FNTB: variants seen among roughly 807,000 people sequenced by gnomAD.
The protein encoded by FNTB is protein farnesyltransferase subunit beta.
A neutral mutation model predicts 59.4 loss-of-function variants in FNTB; 27 were observed. That is an observed-to-expected ratio of 0.45 (90% CI 0.34 to 0.63). The LOEUF (loss-of-function observed/expected upper bound fraction) is 0.63, where lower values mean the gene tolerates loss of function less well. FNTB is among the 20% of genes least tolerant of loss of function. The probability of loss-of-function intolerance (pLI) is 0.02; values close to 1 mark genes in which losing one functional copy is unlikely to be tolerated. For synonymous variants in FNTB, 230 were observed against 220.7 expected (o/e 1.04, Z -0.37); for missense variants, 449 against 559.6 (o/e 0.80, Z 1.99).
chr14:65,053,338 T>C lies in FNTB; in HGVS notation c.1056T>C (p.Asp352=). 7.0e-7 allele frequency: 1 copy of C among 1,438,056 alleles called. No homozygotes were observed. The highest frequency in any genetic ancestry group is 1.6e-5 in the South Asian group (1 of 62,966). 89.1% of individuals were successfully genotyped at this position (1,438,056 alleles called of 1,614,324 possible). A position where few individuals can be genotyped will look rare whatever the true frequency, so the allele number is the denominator to read the frequency against. ...CCQCPAGGLL[D]KPGKSRDFYH... Reference sequence around the variant, plus strand: ...AGTGCCCTGCGGGGGGGCTTCTGGATAAACCTGGCAAGTGAGTGTTTTCTC... The same window carrying C: ...AGTGCCCTGCGGGGGGGCTTCTGGACAAACCTGGCAAGTGAGTGTTTTCTC... The change falls in exon 10 of 12, where the codon GAT becomes GAC. Residue 352 remains aspartate, a synonymous_variant. Coordinates refer to ENST00000246166, the MANE Select transcript of FNTB (RefSeq NM_002028.4).
chr14:65,002,609 A>T (rs531102383), intron 1 of FNTB, among the ~76,000 whole-genome samples: 2 of 150,994 alleles, frequency 1.3e-5, no homozygotes, highest in East Asian at 1.9e-4. Flanking sequence ...CGTCTCAAAA[A>T]AATAATAATA....
In FNTB at chr14:65,012,227, T is replaced by G; in HGVS notation, c.210-90T>G. ...TGCAGGGGGACGTCCTGAAGCTGAGTGTTTACCCGTGTGTGTGTACGTGCA... is the reference window on the plus strand; with the variant it reads ...TGCAGGGGGACGTCCTGAAGCTGAGGGTTTACCCGTGTGTGTGTACGTGCA... On this transcript the variant is annotated intron_variant, in intron 2 of 11. Transcript: ENST00000246166. The surrounding 1 kb of genome is among the most constrained non-coding windows in gnomAD (Gnocchi z 5.0). 5.2e-6 allele frequency: 8 copies of G among 1,524,308 alleles called. 1 individual carries two copies. The South Asian group carries it at 9.1e-5, about 17-fold the overall frequency. The allele number at this position is 1,524,308 out of a possible 1,614,324, so 94.4% of individuals were successfully genotyped here.
At position 65,054,232 on chromosome 14, in the gene FNTB, C is replaced by A. The variant is rs1029982905; in HGVS notation, c.1068-343C>A. On this transcript the variant is annotated intron_variant, in intron 10 of 11. Coordinates refer to ENST00000246166, the MANE Select transcript of FNTB (RefSeq NM_002028.4). The surrounding 1 kb of genome is among the most constrained non-coding windows in gnomAD (Gnocchi z 4.4). ...GGCTCGAGTGATCCTCCTGCTTCAGCCTCCCAAGTAACTGGAATTACAGGC... is the reference window on the plus strand; with the variant it reads ...GGCTCGAGTGATCCTCCTGCTTCAGACTCCCAAGTAACTGGAATTACAGGC... Among the ~76,000 whole-genome samples the A allele has an allele frequency of 6.6e-6, 1 of 152,108 alleles. No individual in the cohort carries two copies. The highest frequency in any genetic ancestry group is 2.4e-5 in the African/African-American group (1 of 41,418).
In FNTB at chr14:65,027,030, A is replaced by C. The variant is rs953620048; in HGVS notation, c.375-423A>C. Among the ~76,000 whole-genome samples the C allele has an allele frequency of 1.3e-5, 2 of 152,170 alleles. No homozygotes were observed. The highest frequency in any genetic ancestry group is 4.8e-5 in the African/African-American group (2 of 41,442). On this transcript the variant is annotated intron_variant, in intron 4 of 11. Coordinates refer to ENST00000246166, the MANE Select transcript of FNTB (RefSeq NM_002028.4). This position sits in a 1 kb window ranked among gnomAD's most constrained non-coding sequence, Gnocchi z 5.7. ...TGGTTAGTGTGGAAAGAAGCAGTTGAGCACCATGTTTTGGCAAAATTCAAA... is the reference window on the plus strand; with the variant it reads ...TGGTTAGTGTGGAAAGAAGCAGTTGCGCACCATGTTTTGGCAAAATTCAAA...
In FNTB at chr14:65,007,652, T is replaced by C. The variant is rs1395177194; in HGVS notation, c.209+3339T>C. Reference sequence around the variant, plus strand: ...TCAGTCCCAAGGAGCTTTTTGACCATGCTTTTCATGGTTTTGTTTATTCAT... The same window carrying C: ...TCAGTCCCAAGGAGCTTTTTGACCACGCTTTTCATGGTTTTGTTTATTCAT... On this transcript the variant is annotated intron_variant, in intron 2 of 11. Coordinates refer to ENST00000246166, the MANE Select transcript of FNTB (RefSeq NM_002028.4). This position sits in a 1 kb window ranked among gnomAD's most constrained non-coding sequence, Gnocchi z 4.9. Among the ~76,000 whole-genome samples, 1 of 152,244 alleles carries C rather than the reference T, an allele frequency of 6.6e-6. No homozygotes were observed. Among genetic ancestry groups the C allele is most frequent in the African/African-American group, 2.4e-5 (1 of 41,476 alleles).
chr14:64,991,073 C>T lies in FNTB; in HGVS notation c.144+3976C>T, dbSNP rs1257738870. 6.6e-6 allele frequency among the ~76,000 whole-genome samples: 1 copy of T among 152,122 alleles called. No individual in the cohort carries two copies. ...AGGCCAGTAGGTTAATACTGATAGT[C>T]TCAGAGGTAGCAGCCTTGCCAAAAA... is the stretch of plus-strand genomic sequence containing the variant. On this transcript the variant is annotated intron_variant, in intron 1 of 11. Transcript: ENST00000246166. The surrounding 1 kb of genome is among the most constrained non-coding windows in gnomAD (Gnocchi z 4.4).
chr14:65,008,959 C>T (rs367986820), intron 2 of FNTB, among the ~76,000 whole-genome samples: 96 of 152,316 alleles, frequency 6.3e-4, no homozygotes, highest in Non-Finnish European at 1.2e-3. Context: ...GGGCCCTCCT[C>T]ATCCACTTGA....
Position 65,054,340 on chromosome 14 carries a change from G to C in FNTB, c.1068-235G>C, listed in dbSNP as rs1002946659. Among the ~76,000 whole-genome samples the C allele has an allele frequency of 2.0e-5, 3 of 151,758 alleles. No homozygotes were observed. The highest frequency in any genetic ancestry group is 4.4e-5 in the Non-Finnish European group (3 of 67,982). The stretch of plus-strand genomic sequence containing the variant: ...TGCCCAAGTTGGTTTTGAACTCCTG[G>C]CCTCAAACCGTTCTCTTGCCTCAGC... On this transcript the variant is annotated intron_variant, in intron 10 of 11. Transcript: ENST00000246166. The surrounding 1 kb of genome is among the most constrained non-coding windows in gnomAD (Gnocchi z 4.4).
At position 65,030,378 on chromosome 14, in the gene FNTB, C is replaced by G. The variant is rs1167223792; in HGVS notation, c.606-2232C>G. On this transcript the variant is annotated intron_variant, in intron 6 of 11. Transcript: ENST00000246166. This position sits in a 1 kb window ranked among gnomAD's most constrained non-coding sequence, Gnocchi z 4.5. ...GCTGGTAGGATCATAATGCATGCAGCTTCTGCAGAGACTTCTTTGGAATAC... is the reference window on the plus strand; with the variant it reads ...GCTGGTAGGATCATAATGCATGCAGGTTCTGCAGAGACTTCTTTGGAATAC... Among the ~76,000 whole-genome samples the G allele has an allele frequency of 6.6e-6, 1 of 152,200 alleles. No individual in the cohort carries two copies. The highest frequency in any genetic ancestry group is 2.4e-5 in the African/African-American group (1 of 41,436).
chr14:65,017,015 C>T (rs1440286733), intron 4 of FNTB, among the ~76,000 whole-genome samples: 3 of 151,282 alleles, frequency 2.0e-5, no homozygotes, highest in Non-Finnish European at 2.9e-5. Context: ...CTCTGCTTCC[C>T]GGGTTCAAGC....
chr14:65,046,222 C>T (rs1167521085), intron 9 of FNTB, among the ~76,000 whole-genome samples: 1 of 152,118 alleles, frequency 6.6e-6, no homozygotes, highest in African/African-American at 2.4e-5. Flanking sequence ...GTGATCTGTC[C>T]GCCTTGGCCT....
At chr14:65,034,394 A>G (rs1236910389) in intron 7 of FNTB, among the ~76,000 whole-genome samples, 2 of 152,218 alleles carry the variant, frequency 1.3e-5, no homozygotes, top group African/African-American at 4.8e-5. Context: ...TGGGAGATAC[A>G]TTTTTAATAT....
chr14:65,051,890 G>A (rs2062621641), intron 9 of FNTB, among the ~76,000 whole-genome samples: 2 of 151,444 alleles, frequency 1.3e-5, no homozygotes, highest in African/African-American at 2.4e-5. Context: ...CGCCTCCTGG[G>A]TTCACGCCAT....
At chr14:64,998,194 A>T (rs1350097856) in intron 1 of FNTB, among the ~76,000 whole-genome samples, 1 of 152,114 alleles carries the variant, frequency 6.6e-6, no homozygotes, top group Non-Finnish European at 1.5e-5. Context: ...TTGCGCATCA[A>T]CCTCTGAGCT....
chr14:65,032,788 A>G lies in FNTB; in HGVS notation c.692+92A>G. 8.1e-7 allele frequency: 1 copy of G among 1,240,866 alleles called. No homozygotes were observed. Among genetic ancestry groups the G allele is most frequent in the Non-Finnish European group, 1.1e-6 (1 of 906,648 alleles). 76.9% of individuals were successfully genotyped at this position (1,240,866 alleles called of 1,614,324 possible). A position where few individuals can be genotyped will look rare whatever the true frequency, so the allele number is the denominator to read the frequency against. On this transcript the variant is annotated intron_variant, in intron 7 of 11. Transcript: ENST00000246166. The surrounding 1 kb of genome is among the most constrained non-coding windows in gnomAD (Gnocchi z 5.0). ...ATAAAGAAAATGCAGAGGGACTTGG[A>G]AGGAAATACAAAAATCACAGGAGAT...
At chr14:65,053,789 A>G (rs570352426) in intron 10 of FNTB, among the ~76,000 whole-genome samples, 21 of 152,270 alleles carry the variant, frequency 1.4e-4, no homozygotes, top group African/African-American at 4.8e-4. Context: ...GGGAAATAAA[A>G]TAAGTCCTCT....
chr14:65,033,527 T>G (rs1448023663), intron 7 of FNTB, among the ~76,000 whole-genome samples: 1 of 152,200 alleles, frequency 6.6e-6, no homozygotes, highest in Admixed American at 6.5e-5. Flanking sequence ...ATATTTTGTT[T>G]GCTGTACTTT....
rs931123265 is a variant in FNTB, at chr14:65,054,991, C to G, written c.1182+302C>G. Among the ~76,000 whole-genome samples the G allele has an allele frequency of 6.6e-6, 1 of 152,210 alleles. No individual in the cohort carries two copies. Among genetic ancestry groups the G allele is most frequent in the African/African-American group, 2.4e-5 (1 of 41,464 alleles). ...CTTCCCCTAGAGGAGGCCACAGTTACGTGTCACTCTGAGGCTGTGAGTCCC... is the reference window on the plus strand; with the variant it reads ...CTTCCCCTAGAGGAGGCCACAGTTAGGTGTCACTCTGAGGCTGTGAGTCCC... On this transcript the variant is annotated intron_variant, in intron 11 of 11. Coordinates refer to ENST00000246166, the MANE Select transcript of FNTB (RefSeq NM_002028.4). This position sits in a 1 kb window ranked among gnomAD's most constrained non-coding sequence, Gnocchi z 4.4.
chr14:65,026,065 G>C (rs1319529648), intron 4 of FNTB, among the ~76,000 whole-genome samples: 2 of 152,232 alleles, frequency 1.3e-5, no homozygotes, highest in Non-Finnish European at 2.9e-5. Flanking sequence ...TCTTCTTGGA[G>C]AGTAGGCTAT....
Sources: gnomAD v4.1 joint callset for allele counts (sites outside exome capture counted in the v4.1 genomes callset) on GRCh38, gnomAD v4.1.1 for gene constraint, Gnocchi (gnomAD v3.1) non-coding constraint, MANE v1.5 for transcripts, NCBI Gene and HGNC (gene_info 2026-07-23, HGNC 2026-07-21) for gene names.